The following AGK variants were observed in gnomAD, a reference collection of about 807,000 sequenced individuals.
The protein encoded by AGK is acylglycerol kinase, mitochondrial.
A neutral mutation model predicts 66.4 loss-of-function variants in AGK; 52 were observed. That is an observed-to-expected ratio of 0.78 (90% CI 0.63 to 0.99). The LOEUF (loss-of-function observed/expected upper bound fraction) is 0.99. AGK is among the 50% of genes least tolerant of loss of function. The probability of loss-of-function intolerance (pLI) is 0.00; values close to 1 mark genes in which losing one functional copy is unlikely to be tolerated. For missense variants in AGK, 451 were observed against 506.6 expected (o/e 0.89, Z 1.05); for synonymous variants, 182 against 181.1 (o/e 1.00, Z -0.04).
chr7:141,552,327 G>A (rs1016935495), intron 1 of AGK, among the ~76,000 whole-genome samples: 5 of 152,098 alleles, frequency 3.3e-5, no homozygotes, highest in Admixed American at 6.5e-5. Context: ...CAAAATAATA[G>A]CCAAAGTCCT....
intron 2 of AGK, among the ~76,000 whole-genome samples, chr7:141,579,423 G>A (rs1468655071): frequency 2.8e-5 from 4 of 144,536 alleles, no homozygotes; most frequent in African/African-American, 5.2e-5. Context: ...GCCAAACCGA[G>A]GAATTAAGTC....
At chr7:141,575,933 T>G (rs774721924) in intron 2 of AGK, among the ~76,000 whole-genome samples, 1 of 152,140 alleles carries the variant, frequency 6.6e-6, no homozygotes, top group Non-Finnish European at 1.5e-5. Flanking sequence ...GTTGGTTCAT[T>G]CCTCATTCCT....
intron 2 of AGK, among the ~76,000 whole-genome samples, chr7:141,558,384 C>G (rs558213690): frequency 6.6e-6 from 1 of 151,412 alleles, no homozygotes; most frequent in Non-Finnish European, 1.5e-5. Context: ...CCGCTGGTCT[C>G]GAACTCCTGA....
chr7:141,552,530 CTG>C (rs1795114854), intron 1 of AGK, among the ~76,000 whole-genome samples: 1 of 152,196 alleles, frequency 6.6e-6, no homozygotes. Context: ...TCCCAGGATT[CTG>C]TGTTTTTAAC....
chr7:141,561,747 A>G (rs1041254266), intron 2 of AGK, among the ~76,000 whole-genome samples: 15 of 151,834 alleles, frequency 9.9e-5, no homozygotes, highest in Non-Finnish European at 1.9e-4. Context: ...AACTTTCCCT[A>G]CTGTGTCCAG....
At chr7:141,630,965 C>G (rs1387618436) in intron 9 of AGK, among the ~76,000 whole-genome samples, 1 of 152,056 alleles carries the variant, frequency 6.6e-6, no homozygotes, top group East Asian at 1.9e-4. Flanking sequence ...TCCTCAACTC[C>G]CAGCACCATG....
chr7:141,622,488 CCTCA>C (rs1290739184), intron 9 of AGK, among the ~76,000 whole-genome samples: 1 of 152,142 alleles, frequency 6.6e-6, no homozygotes, highest in Non-Finnish European at 1.5e-5. Context: ...CCTCACAATA[CCTCA>C]ACCTTTTTCA....
intron 2 of AGK, among the ~76,000 whole-genome samples, chr7:141,587,538 C>G (rs542241731): frequency 2.6e-5 from 4 of 152,174 alleles, no homozygotes; most frequent in Non-Finnish European, 5.9e-5. Context: ...CCAGCGGTTC[C>G]GAACTACTTT....
chr7:141,566,034 G>C (rs370406078), intron 2 of AGK, among the ~76,000 whole-genome samples: 2 of 152,296 alleles, frequency 1.3e-5, no homozygotes, highest in Admixed American at 1.3e-4. Flanking sequence ...GGACCTTTCC[G>C]ATCTTCGGAA....
intron 2 of AGK, among the ~76,000 whole-genome samples, chr7:141,572,372 G>T (rs1291921032): frequency 6.6e-6 from 1 of 152,200 alleles, no homozygotes; most frequent in Non-Finnish European, 1.5e-5. Context: ...TTGTGATAGT[G>T]TGAATAATAC....
chr7:141,608,780 G>A (rs1211838524), intron 5 of AGK, among the ~76,000 whole-genome samples: 1 of 152,106 alleles, frequency 6.6e-6, no homozygotes, highest in South Asian at 2.1e-4. Context: ...TGTCCACAGG[G>A]ATATCATAAA....
intron 2 of AGK, among the ~76,000 whole-genome samples, chr7:141,584,231 C>CA (rs1795946852): frequency 6.6e-6 from 1 of 152,024 alleles, no homozygotes; most frequent in African/African-American, 2.4e-5. Flanking sequence ...CTCTGGCTGG[C>CA]AGGGGTGAGG....
intron 2 of AGK, among the ~76,000 whole-genome samples, chr7:141,578,599 G>A (rs1311774611): frequency 6.6e-6 from 1 of 151,878 alleles, no homozygotes; most frequent in Non-Finnish European, 1.5e-5. Context: ...GCTGCTTCCA[G>A]CAGGAGTAGG....
At chr7:141,573,829 C>T (rs139237576) in intron 2 of AGK, among the ~76,000 whole-genome samples, 2,329 of 152,074 alleles carry the variant, frequency 0.015, 65 homozygotes, top group African/African-American at 0.051. Flanking sequence ...TCTCCTTTTT[C>T]TTTATTATTA....
At chr7:141,558,850 G>A (rs1411296360) in intron 2 of AGK, among the ~76,000 whole-genome samples, 1 of 152,144 alleles carries the variant, frequency 6.6e-6, no homozygotes, top group Non-Finnish European at 1.5e-5. Flanking sequence ...TGTCATTGTG[G>A]TTTTGGTTTG....
chr7:141,641,636 A>C (rs148438509), intron 12 of AGK, among the ~76,000 whole-genome samples, 175 bp from the exon 13 acceptor site: 1 of 152,318 alleles, frequency 6.6e-6, no homozygotes, highest in African/African-American at 2.4e-5. Context: ...GTGATGTTTT[A>C]GGCACAGAGA....
chr7:141,649,704 T>C (rs1797509248), intron 14 of AGK, among the ~76,000 whole-genome samples: 1 of 152,248 alleles, frequency 6.6e-6, no homozygotes, highest in African/African-American at 2.4e-5. Context: ...ATTCTTTCCG[T>C]CTACAGAATG....
At chr7:141,584,402 CAG>C (rs1399892171) in intron 2 of AGK, among the ~76,000 whole-genome samples, 3 of 152,184 alleles carry the variant, frequency 2.0e-5, no homozygotes, top group African/African-American at 4.8e-5. Flanking sequence ...ATGCAGGTCA[CAG>C]GGGATACGAT....
Position 141,592,345 on chromosome 7 carries a change from T to A in AGK, c.102-801T>A, listed in dbSNP as rs140494023. On this transcript the variant is annotated intron_variant, in intron 2 of 15. Transcript: ENST00000649286. ...CATTCCTTGACTCTCTTCAGAGCCT[T>A]CTTCCATCTTCGCAGCTGGCAAAGT... Among the ~76,000 whole-genome samples, 19 of 152,328 alleles carry A rather than the reference T, an allele frequency of 1.2e-4. No homozygotes were observed. The East Asian group carries it at 2.9e-3, about 23-fold the overall frequency.
Sources: gnomAD v4.1 joint callset for allele counts (sites outside exome capture counted in the v4.1 genomes callset) on GRCh38, gnomAD v4.1.1 for gene constraint, MANE v1.5 for transcripts, NCBI Gene and HGNC (gene_info 2026-07-23, HGNC 2026-07-21) for gene names.